STK3: variants seen among roughly 807,000 people sequenced by gnomAD.
STK3 encodes serine/threonine-protein kinase 3.
A neutral mutation model predicts 58.0 loss-of-function variants in STK3; 41 were observed. The ratio of observed to expected loss-of-function variants is 0.71; its 90% CI spans 0.55 to 0.92. STK3 has a LOEUF of 0.92. Ranked by LOEUF, STK3 falls within the 40% of genes least tolerant of loss-of-function variation. STK3 has a pLI of 0.00. For synonymous variants in STK3, 170 were observed against 191.0 expected, an observed-to-expected ratio of 0.89 and a Z score of 0.91; for missense variants, 479 against 602.7, an observed-to-expected ratio of 0.79 and a Z score of 2.15.
chr8:98,761,307 T>G (rs974639759), intron 3 of STK3, among the ~76,000 whole-genome samples: 4 of 151,930 alleles, frequency 2.6e-5, no homozygotes, highest in Non-Finnish European at 4.4e-5. Flanking sequence ...GTATTTTTTT[T>G]AGAGAGAGAG....
At chr8:98,724,508 T>C (rs1438380178) in intron 4 of STK3, among the ~76,000 whole-genome samples, 1 of 152,158 alleles carries the variant, frequency 6.6e-6, no homozygotes, top group African/African-American at 2.4e-5. Flanking sequence ...GGAAGTCAGA[T>C]TAGGGCCAAA....
intron 3 of STK3, among the ~76,000 whole-genome samples, chr8:98,407,713 CATGTGTGT>C (rs1249197258): frequency 1.8e-5 from 2 of 110,576 alleles, no homozygotes; most frequent in African/African-American, 7.3e-5. Context: ...CAGATGAGTG[CATGTGTGT>C]GTGTGTGTGT....
intron 1 of STK3, among the ~76,000 whole-genome samples, chr8:98,445,328 C>T (rs1330714834): frequency 4.6e-5 from 7 of 152,048 alleles, no homozygotes; most frequent in South Asian, 4.1e-4. Context: ...AGAAATGTCA[C>T]GCAAACTACA....
chr8:98,398,469 C>T (rs567237349), downstream of STK3, among the ~76,000 whole-genome samples: 3 of 152,242 alleles, frequency 2.0e-5, no homozygotes, highest in South Asian at 4.1e-4. Flanking sequence ...CAAGGAAAAC[C>T]CTTTCCACCC....
chr8:98,446,123 T>A (rs1818938332), intron 1 of STK3, among the ~76,000 whole-genome samples: 1 of 152,230 alleles, frequency 6.6e-6, no homozygotes. Flanking sequence ...TATATATGCT[T>A]TGCCCTCCTC....
chr8:98,525,701 T>C (rs1464190049), intron 10 of STK3, among the ~76,000 whole-genome samples: 1 of 152,094 alleles, frequency 6.6e-6, no homozygotes, highest in Non-Finnish European at 1.5e-5. Context: ...ATTATACTGC[T>C]AATATTTGCT....
intron 6 of STK3, among the ~76,000 whole-genome samples, chr8:98,672,099 T>C (rs1178739678): frequency 6.6e-6 from 1 of 152,184 alleles, no homozygotes; most frequent in African/African-American, 2.4e-5. Context: ...GTCTCGGGTA[T>C]TTCTTCATAG....
intron 6 of STK3, among the ~76,000 whole-genome samples, chr8:98,616,504 G>C (rs1248566503): frequency 2.8e-5 from 4 of 145,132 alleles, no homozygotes; most frequent in African/African-American, 5.1e-5. Context: ...CCAATTAAAA[G>C]ACACAGACTG....
chr8:98,786,535 A>G (rs1240198416), intron 1 of STK3, among the ~76,000 whole-genome samples: 1 of 152,198 alleles, frequency 6.6e-6, no homozygotes, highest in African/African-American at 2.4e-5. Flanking sequence ...CAAAAGGAAA[A>G]AAGAAGAAAG....
chr8:98,854,776 C>G (rs1039568321), intron 3 of STK3, among the ~76,000 whole-genome samples: 6 of 152,168 alleles, frequency 3.9e-5, no homozygotes, highest in African/African-American at 1.2e-4. Flanking sequence ...CTCTCCAAAA[C>G]TGGGCACGGT....
chr8:98,484,026 C>T (rs988556120), intron 10 of STK3, among the ~76,000 whole-genome samples: 1 of 143,154 alleles, frequency 7.0e-6, no homozygotes, highest in African/African-American at 2.5e-5. Context: ...ACTGATTTGG[C>T]CTTGAACATA....
intron 1 of STK3, among the ~76,000 whole-genome samples, chr8:98,920,706 A>ACAGC (rs139169401): frequency 0.027 from 4,041 of 152,358 alleles, 155 homozygotes; most frequent in African/African-American, 0.09. Context: ...GTGCTGGCCT[A>ACAGC]CAGCCATGCT....
rs114977812 is a variant in STK3, at chr8:98,686,411, A to G, written c.684+20056T>C. Among the ~76,000 whole-genome samples, 354 of 152,346 alleles carry G rather than the reference A, an allele frequency of 2.3e-3. 2 individuals carry two copies. The highest frequency in any genetic ancestry group is 8.2e-3 in the African/African-American group (343 of 41,582). On this transcript the variant is annotated intron_variant, in intron 6 of 10. Coordinates refer to ENST00000419617, the MANE Select transcript of STK3 (RefSeq NM_006281.4). The stretch of plus-strand genomic sequence containing the variant: ...AACAATATTAAATCAAAAATAATTT[A>G]ATATTAATGATTAAATTTAGTATTG...
chr8:98,447,155 AATG>A (rs1818987717), intron 1 of STK3, among the ~76,000 whole-genome samples: 5 of 152,112 alleles, frequency 3.3e-5, no homozygotes, highest in Admixed American at 2.6e-4. Flanking sequence ...TTAGTACCTG[AATG>A]ATGAAATAAT....
chr8:98,721,498 G>A (rs1053277449), intron 4 of STK3, among the ~76,000 whole-genome samples: 4 of 151,284 alleles, frequency 2.6e-5, no homozygotes, highest in South Asian at 2.1e-4. Context: ...GTGAGGCCTC[G>A]TCTCTAAAAA....
rs906149558 is a variant in STK3 at position 98,479,498 on chromosome 8, G to C, written c.1318-23498C>G. ...CAACACTCCGTCTCGGGGGGGGGGG[G>C]GGGGCGGGAAAGGTGAAGAAGCATA... On this transcript the variant is annotated intron_variant, in intron 10 of 10. Transcript: ENST00000419617. Among the ~76,000 whole-genome samples the C allele has an allele frequency of 2.6e-4, 24 of 93,102 alleles. 2 individuals are homozygous for C. The highest frequency in any genetic ancestry group is 1.1e-3 in the East Asian group (3 of 2,834). 61.1% of individuals were successfully genotyped at this position (93,102 alleles called of 152,430 possible). A position where few individuals can be genotyped will look rare whatever the true frequency, so the allele number is the denominator to read the frequency against.
chr8:98,559,042 C>T (rs1048226051), intron 8 of STK3, among the ~76,000 whole-genome samples: 2 of 152,034 alleles, frequency 1.3e-5, no homozygotes, highest in Non-Finnish European at 2.9e-5. Context: ...CAATCTCCCC[C>T]ACAACCCAAA....
intron 6 of STK3, among the ~76,000 whole-genome samples, chr8:98,650,456 T>C (rs1339699460): frequency 6.6e-6 from 1 of 152,196 alleles, no homozygotes; most frequent in Non-Finnish European, 1.5e-5. Flanking sequence ...AGGTACCGGG[T>C]TCACCTCACT....
chr8:98,868,414 T>C (rs912065706), intron 3 of STK3, among the ~76,000 whole-genome samples: 9 of 152,258 alleles, frequency 5.9e-5, no homozygotes, highest in African/African-American at 2.2e-4. Context: ...TCAGTGCATG[T>C]TTCTTAGGTG....
Sources: gnomAD v4.1 joint callset for allele counts (sites outside exome capture counted in the v4.1 genomes callset) on GRCh38, gnomAD v4.1.1 for gene constraint, MANE v1.5 for transcripts, NCBI Gene and HGNC (gene_info 2026-07-23, HGNC 2026-07-21) for gene names.